PPP3CB: variants seen among roughly 807,000 people sequenced by gnomAD.
PPP3CB encodes serine/threonine-protein phosphatase 2B catalytic subunit beta isoform.
PPP3CB carries 8 observed loss-of-function variants against 66.4 expected under a neutral mutation model. The observed-to-expected ratio is 0.12, with a 90% CI of 0.07 to 0.22. The LOEUF is 0.22. Among genes scored for constraint, PPP3CB ranks in the 10% least tolerant of loss-of-function variants. PPP3CB has a pLI of 1.00. For synonymous variants in PPP3CB, 208 were observed against 221.2 expected (o/e 0.94, Z 0.53); for missense variants, 319 against 642.5 (o/e 0.50, Z 5.44).
rs185081529 is a variant in PPP3CB, at chr10:73,481,348, T to C, written c.86-1831A>G. Among the ~76,000 whole-genome samples the C allele has an allele frequency of 3.8e-3, 580 of 151,598 alleles. 5 individuals are homozygous for C. Among genetic ancestry groups the C allele is most frequent in the African/African-American group, 0.014 (564 of 41,364 alleles). On this transcript the variant is annotated intron_variant, in intron 1 of 13. Coordinates refer to ENST00000360663, the MANE Select transcript of PPP3CB (RefSeq NM_021132.4). Reference sequence around the variant, plus strand: ...TTAGCTGGGTGTGGTGGTGCACACCTGTAGTCCCAGCTACTCAAGAGGGTG... The same window carrying C: ...TTAGCTGGGTGTGGTGGTGCACACCCGTAGTCCCAGCTACTCAAGAGGGTG...
At chr10:73,474,434 A>C (rs1311317309) in intron 4 of PPP3CB, among the ~76,000 whole-genome samples, 1 of 150,644 alleles carries the variant, frequency 6.6e-6, no homozygotes, top group Non-Finnish European at 1.5e-5. Flanking sequence ...AATGAAAAAA[A>C]ATTTTTTTTT....
Position 73,495,995 on chromosome 10 carries a change from C to T in PPP3CB, c.-106G>A. ...GCCGCCGGGGAACATGGCGGACCCT[C>T]TTTCCCTACAGAGGGGCTAAGACCG... On this transcript the variant is annotated 5_prime_UTR_variant, in exon 1 of 14. Coordinates refer to ENST00000360663, the MANE Select transcript of PPP3CB (RefSeq NM_021132.4). 1 of 618,036 alleles carries T rather than the reference C, an allele frequency of 1.6e-6. No individual in the cohort carries two copies. The highest frequency in any genetic ancestry group is 2.3e-6 in the Non-Finnish European group (1 of 437,056). 38.3% of individuals were successfully genotyped at this position (618,036 alleles called of 1,614,324 possible). A position where few individuals can be genotyped will look rare whatever the true frequency, so the allele number is the denominator to read the frequency against.
At chr10:73,468,330 T>C (rs1012744701) in intron 8 of PPP3CB, among the ~76,000 whole-genome samples, 3 of 152,156 alleles carry the variant, frequency 2.0e-5, no homozygotes, top group African/African-American at 7.2e-5. Context: ...AATGCAGGTA[T>C]CTAATGTTTC....
intron 12 of PPP3CB, among the ~76,000 whole-genome samples, chr10:73,441,416 TAG>T (rs1294766579): frequency 6.6e-6 from 1 of 151,778 alleles, no homozygotes; most frequent in African/African-American, 2.4e-5. Flanking sequence ...GGGCAACACA[TAG>T]AGAGACCTCA....
In PPP3CB at chr10:73,437,919, G is replaced by A. The variant is rs1329154300; in HGVS notation, c.*323C>T. 4.4e-6 allele frequency: 1 copy of A among 226,082 alleles called. No homozygotes were observed. Among genetic ancestry groups the A allele is most frequent in the Non-Finnish European group, 8.5e-6 (1 of 117,298 alleles). The allele number at this position is 226,082 out of a possible 1,614,324, so 14.0% of individuals were successfully genotyped here. The stretch of plus-strand genomic sequence containing the variant: ...TTGAAAAACAAAATCTAATTCTACT[G>A]AAGGGGAAAAGAAATCTGATTTGTA... On this transcript the variant is annotated 3_prime_UTR_variant, in exon 14 of 14. Transcript: ENST00000360663.
chr10:73,493,812 C>T (rs913350643), intron 1 of PPP3CB, among the ~76,000 whole-genome samples: 1 of 152,156 alleles, frequency 6.6e-6, no homozygotes, highest in Non-Finnish European at 1.5e-5. Context: ...AATCAAATGG[C>T]TTTTATTCCA....
At chr10:73,489,809 C>T (rs1397527722) in intron 1 of PPP3CB, among the ~76,000 whole-genome samples, 2 of 152,298 alleles carry the variant, frequency 1.3e-5, no homozygotes, top group South Asian at 2.1e-4. Flanking sequence ...TTTTGCCATA[C>T]ATTTCATGCT....
At chr10:73,470,453 G>A (rs2056685570) in intron 8 of PPP3CB, among the ~76,000 whole-genome samples, 1 of 152,162 alleles carries the variant, frequency 6.6e-6, no homozygotes, top group South Asian at 2.1e-4. Context: ...ACTTAACTCA[G>A]AGCACGTTTT....
intron 10 of PPP3CB, chr10:73,448,806 G>C: frequency 2.1e-6 from 1 of 486,948 alleles, no homozygotes; most frequent in South Asian, 1.5e-5. Flanking sequence ...TGTAGAAAGA[G>C]AGAAAAATGA....
intron 1 of PPP3CB, among the ~76,000 whole-genome samples, chr10:73,482,330 G>A (rs1293205408): frequency 6.6e-6 from 1 of 151,716 alleles, no homozygotes; most frequent in Non-Finnish European, 1.5e-5. Flanking sequence ...AGATCATGAG[G>A]TCAAGATTTT....
chr10:73,482,983 C>T (rs976301981), intron 1 of PPP3CB, among the ~76,000 whole-genome samples: 1 of 152,138 alleles, frequency 6.6e-6, no homozygotes, highest in African/African-American at 2.4e-5. Flanking sequence ...CTGTTCAAAA[C>T]ATAGAACTTC....
At chr10:73,479,548 G>A in intron 1 of PPP3CB, 31 bp from the exon 2 acceptor site, 1 of 1,587,754 alleles carries the variant, frequency 6.3e-7, no homozygotes, top group Non-Finnish European at 8.6e-7. Context: ...TAAAAGATAA[G>A]TCACCAAAAA....
intron 3 of PPP3CB, 32 bp downstream of exon 3, chr10:73,478,467 C>T (rs757922321): frequency 3.2e-6 from 5 of 1,583,488 alleles, no homozygotes; most frequent in African/African-American, 2.7e-5. Context: ...TAACACTTAA[C>T]AGCAAATCAA....
Position 73,436,822 on chromosome 10 carries a change from G to A in PPP3CB, c.*1420C>T, listed in dbSNP as rs2056078838. 1.3e-5 allele frequency: 2 copies of A among 152,214 alleles called. No homozygotes were observed. Among genetic ancestry groups the A allele is most frequent in the South Asian group, 2.1e-4 (1 of 4,836 alleles). The allele number at this position is 152,214 out of a possible 1,614,324, so 9.4% of individuals were successfully genotyped here. ...CACAGAGATAGGAGCAGCGGCCCATGCATGGAATTTATTGTGTGCTACTGT... is the reference window on the plus strand; with the variant it reads ...CACAGAGATAGGAGCAGCGGCCCATACATGGAATTTATTGTGTGCTACTGT... On this transcript the variant is annotated 3_prime_UTR_variant, in exon 14 of 14. Transcript: ENST00000360663.
intron 4 of PPP3CB, 123 bp downstream of exon 4, chr10:73,474,796 T>G: frequency 7.2e-7 from 1 of 1,386,662 alleles, no homozygotes; most frequent in East Asian, 2.6e-5. Flanking sequence ...TCCTCAAAGC[T>G]TTATGTGTGG....
chr10:73,463,809 GTAT>G, intron 9 of PPP3CB, among the ~76,000 whole-genome samples: 1 of 151,552 alleles, frequency 6.6e-6, no homozygotes, highest in East Asian at 2.0e-4. Flanking sequence ...GTAATTTTTT[GTAT>G]TTTTAGTAGA....
chr10:73,444,952 A>C, intron 11 of PPP3CB, 130 bp from the exon 12 acceptor site: 1 of 900,996 alleles, frequency 1.1e-6, no homozygotes, highest in Non-Finnish European at 1.6e-6. Flanking sequence ...ATTTTCCTCA[A>C]TTTCAAGACA....
In PPP3CB at chr10:73,436,499, C is replaced by T. The variant is rs1035799022; in HGVS notation, c.*1743G>A. On this transcript the variant is annotated 3_prime_UTR_variant, in exon 14 of 14. Coordinates refer to ENST00000360663, the MANE Select transcript of PPP3CB (RefSeq NM_021132.4). ...TTCCCAATACCACTATAACAAAATT[C>T]TAGACAATAACATATTTTCTTTCAA... 1 of 150,656 alleles carries T rather than the reference C, an allele frequency of 6.6e-6. No homozygotes were observed. The highest frequency in any genetic ancestry group is 2.5e-5 in the African/African-American group (1 of 40,030). 9.3% of individuals were successfully genotyped at this position (150,656 alleles called of 1,614,324 possible). A position where few individuals can be genotyped will look rare whatever the true frequency, so the allele number is the denominator to read the frequency against.
rs140376363 is a variant in PPP3CB at position 73,471,326 on chromosome 10, C to T, written c.670-117G>A. The T allele has an allele frequency of 4.8e-5, 65 of 1,351,246 alleles. No individual in the cohort carries two copies. In the African/African-American group the frequency reaches 8.1e-4, roughly 17 times the overall value. 83.7% of individuals were successfully genotyped at this position (1,351,246 alleles called of 1,614,324 possible). ...TTCATACTATATTATTGTGAATAAA[C>T]AGAAGTTATTTCCTTAAGATATCAG... is the stretch of plus-strand genomic sequence containing the variant. On this transcript the variant is annotated intron_variant, in intron 5 of 13. Transcript: ENST00000360663.
Sources: gnomAD v4.1 joint callset for allele counts (sites outside exome capture counted in the v4.1 genomes callset) on GRCh38, gnomAD v4.1.1 for gene constraint, MANE v1.5 for transcripts, NCBI Gene and HGNC (gene_info 2026-07-23, HGNC 2026-07-21) for gene names.